KLHL1: variants seen among roughly 807,000 people sequenced by gnomAD.
KLHL1 encodes the protein kelch-like protein 1.
KLHL1 carries 47 observed loss-of-function variants against 77.7 expected under a neutral mutation model. That is an observed-to-expected ratio of 0.60 (90% CI 0.48 to 0.77). The LOEUF (loss-of-function observed/expected upper bound fraction) is 0.77. KLHL1 is among the 30% of genes least tolerant of loss of function. KLHL1 has a pLI of 0.00. For synonymous variants in KLHL1, 360 were observed against 325.2 expected, an observed-to-expected ratio of 1.11 and a Z score of -1.15; for missense variants, 925 against 910.8, an observed-to-expected ratio of 1.02 and a Z score of -0.20.
Position 70,107,384 on chromosome 13 carries a change from C to CA in KLHL1, c.315_316insT (p.Gly106TrpfsTer51). On this transcript the variant is annotated frameshift_variant, in exon 1 of 11. Transcript: ENST00000377844. LOFTEE classifies it high-confidence loss of function. ...TGCTGAGTGCCCTGCCCAGGAGCCCCTTGCTGCAGCCTCGTGGCAACTGGA... is the reference window on the plus strand; with the variant it reads ...TGCTGAGTGCCCTGCCCAGGAGCCCCATTGCTGCAGCCTCGTGGCAACTGGA... 1 of 1,614,072 alleles carries CA rather than the reference C, an allele frequency of 6.2e-7. No individual in the cohort carries two copies. The highest frequency in any genetic ancestry group is 8.5e-7 in the Non-Finnish European group (1 of 1,180,028).
rs946437232 is a variant in KLHL1, at chr13:69,893,323, T to C, written c.1015-10828A>G. On this transcript the variant is annotated intron_variant, in intron 4 of 10. Coordinates refer to ENST00000377844, the MANE Select transcript of KLHL1 (RefSeq NM_020866.3). ...AATCTCGGCTCACTGCAAGCTCCGCTTCCCGGGTTCACGCCATTCTCCTGC... is the reference window on the plus strand; with the variant it reads ...AATCTCGGCTCACTGCAAGCTCCGCCTCCCGGGTTCACGCCATTCTCCTGC... Among the ~76,000 whole-genome samples the C allele has an allele frequency of 6.0e-5, 9 of 150,406 alleles. No homozygotes were observed. In the South Asian group the frequency reaches 1.3e-3, roughly 21 times the overall value.
intron 5 of KLHL1, among the ~76,000 whole-genome samples, chr13:69,845,550 T>C (rs879567369): frequency 6.6e-6 from 1 of 151,668 alleles, no homozygotes; most frequent in Non-Finnish European, 1.5e-5. Flanking sequence ...TATGAAACCA[T>C]ATTATATAGT....
intron 4 of KLHL1, among the ~76,000 whole-genome samples, chr13:69,907,346 C>T (rs1489985262): frequency 6.6e-6 from 1 of 151,886 alleles, no homozygotes; most frequent in Non-Finnish European, 1.5e-5. Context: ...CAAGTGTTTC[C>T]AAAATGGCAA....
intron 9 of KLHL1, among the ~76,000 whole-genome samples, chr13:69,716,411 A>C (rs758223339): frequency 5.9e-5 from 9 of 152,160 alleles, no homozygotes; most frequent in Non-Finnish European, 1.2e-4. Flanking sequence ...TAGTGAAAAA[A>C]AAAATGATGT....
intron 7 of KLHL1, among the ~76,000 whole-genome samples, chr13:69,782,865 C>T (rs1001641078): frequency 5.9e-5 from 9 of 152,226 alleles, no homozygotes; most frequent in Admixed American, 3.9e-4. Context: ...ACTGCCTCCT[C>T]AAGTGGGTCC....
rs1405104844 is a variant in KLHL1, at chr13:70,068,233, C to T, written c.497+38970G>A. ...GCGGGCGCCTGTAGTCCCAGCTACT[C>T]GGGAGGCTGAGGCAGGAGAATGGCG... On this transcript the variant is annotated intron_variant, in intron 1 of 10. Transcript: ENST00000377844. Among the ~76,000 whole-genome samples the T allele has an allele frequency of 5.9e-5, 9 of 151,862 alleles. No individual in the cohort carries two copies. In the South Asian group the frequency reaches 1.3e-3, roughly 21 times the overall value.
At chr13:69,814,774 A>C (rs903651044) in intron 6 of KLHL1, among the ~76,000 whole-genome samples, 1 of 152,232 alleles carries the variant, frequency 6.6e-6, no homozygotes. Flanking sequence ...GCAATTTGGG[A>C]GGCTAAGGCA....
At chr13:69,850,758 G>C (rs139657229) in intron 5 of KLHL1, among the ~76,000 whole-genome samples, 2,869 of 151,716 alleles carry the variant, frequency 0.019, 46 homozygotes, top group Non-Finnish European at 0.026. Context: ...TACTACAACT[G>C]AAAGTATTTC....
At chr13:70,066,194 T>C (rs1488996909) in intron 1 of KLHL1, among the ~76,000 whole-genome samples, 5 of 152,204 alleles carry the variant, frequency 3.3e-5, no homozygotes, top group Admixed American at 2.6e-4. Flanking sequence ...CACTCATGCT[T>C]CGAGTTCTCA....
intron 6 of KLHL1, among the ~76,000 whole-genome samples, chr13:69,814,928 T>G (rs1374296303): frequency 6.6e-6 from 1 of 152,064 alleles, no homozygotes; most frequent in Non-Finnish European, 1.5e-5. Flanking sequence ...GGAGAATTGC[T>G]TGAACCCAGG....
intron 1 of KLHL1, among the ~76,000 whole-genome samples, chr13:70,044,907 C>T (rs1258896477): frequency 1.3e-5 from 2 of 152,154 alleles, no homozygotes; most frequent in African/African-American, 4.8e-5. Context: ...GACTCCTGGG[C>T]TCTGTTTCCA....
At chr13:69,976,845 G>T (rs1426777276) in intron 1 of KLHL1, among the ~76,000 whole-genome samples, 2 of 152,036 alleles carry the variant, frequency 1.3e-5, no homozygotes. Context: ...AGAAAGCTAA[G>T]ATCCTGAAAT....
intron 4 of KLHL1, among the ~76,000 whole-genome samples, chr13:69,896,282 T>C (rs1881634510): frequency 6.6e-6 from 1 of 152,204 alleles, no homozygotes; most frequent in African/African-American, 2.4e-5. Context: ...ACTTCTGGCT[T>C]CCTCTTCTGC....
intron 1 of KLHL1, among the ~76,000 whole-genome samples, chr13:69,994,354 C>T (rs561670445): frequency 6.6e-6 from 1 of 152,204 alleles, no homozygotes; most frequent in African/African-American, 2.4e-5. Flanking sequence ...TCTTTGATTG[C>T]AGAAGCATCA....
At chr13:70,044,599 T>A (rs1168198046) in intron 1 of KLHL1, among the ~76,000 whole-genome samples, 1 of 152,160 alleles carries the variant, frequency 6.6e-6, no homozygotes, top group Non-Finnish European at 1.5e-5. Flanking sequence ...AGATATATTA[T>A]TTTGATGAAG....
intron 1 of KLHL1, among the ~76,000 whole-genome samples, chr13:70,035,562 G>A (rs1199610434): frequency 6.6e-6 from 1 of 151,946 alleles, no homozygotes; most frequent in Admixed American, 6.6e-5. Context: ...TTTTTTAAAA[G>A]AGTACTTTGT....
At chr13:69,987,419 C>A (rs1884902536) in intron 1 of KLHL1, among the ~76,000 whole-genome samples, 1 of 151,950 alleles carries the variant, frequency 6.6e-6, no homozygotes, top group South Asian at 2.1e-4. Context: ...AGCTTAATGT[C>A]CTTTATTTAT....
At chr13:69,702,581 C>T (rs1300984211) in intron 10 of KLHL1, among the ~76,000 whole-genome samples, 1 of 151,464 alleles carries the variant, frequency 6.6e-6, no homozygotes, top group East Asian at 1.9e-4. Flanking sequence ...ACAAAGTAGC[C>T]TCAAATCACA....
rs573336150 is a variant in KLHL1, at chr13:69,962,570, T to C, written c.681-1126A>G. Among the ~76,000 whole-genome samples, 18 of 152,234 alleles carry C rather than the reference T, an allele frequency of 1.2e-4. No individual in the cohort carries two copies. In the South Asian group the frequency reaches 3.7e-3, roughly 32 times the overall value. ...CCTTCAGTATGATGCCTGCTGAATA[T>C]ACTTGGAATATAAGCTTTACTAAGT... On this transcript the variant is annotated intron_variant, in intron 2 of 10. Transcript: ENST00000377844.
Sources: allele counts gnomAD v4.1 joint callset (sites outside exome capture counted in the v4.1 genomes callset), GRCh38; gene constraint gnomAD v4.1.1; transcripts MANE v1.5; gene names NCBI Gene and HGNC (gene_info 2026-07-23, HGNC 2026-07-21).